The following AGMO variants were observed in gnomAD, a reference collection of about 807,000 sequenced individuals.
AGMO encodes the protein glyceryl-ether monooxygenase.
In AGMO, 75 loss-of-function variants were observed where a neutral mutation model predicts 60.2. The observed-to-expected ratio is 1.25, with a 90% CI of 1.03 to 1.51. The LOEUF is 1.51. Among genes scored for constraint, AGMO ranks in the 40% most tolerant of loss-of-function variants. The pLI is 0.00. For missense variants in AGMO, 763 were observed against 525.5 expected (o/e 1.45, Z -4.42); for synonymous variants, 261 against 177.1 (o/e 1.47, Z -3.76).
At chr7:15,468,130 C>A (rs969804039) in intron 3 of AGMO, among the ~76,000 whole-genome samples, 1 of 152,148 alleles carries the variant, frequency 6.6e-6, no homozygotes, top group Admixed American at 6.6e-5. Flanking sequence ...GGGATACCTC[C>A]TCAAGAAGAT....
At chr7:15,401,036 A>G (rs1784539830) in intron 5 of AGMO, among the ~76,000 whole-genome samples, 2 of 152,226 alleles carry the variant, frequency 1.3e-5, no homozygotes, top group Non-Finnish European at 1.5e-5. Context: ...TAATTTTCCT[A>G]TGGAAATTGA....
chr7:15,165,445 G>T, the AGMO span, among the ~76,000 whole-genome samples: 15 of 152,280 alleles, frequency 9.9e-5, no homozygotes, highest in African/African-American at 3.1e-4. Context: ...ACAACTCAGA[G>T]TTTGAGGGTA....
At chr7:15,376,633 A>C (rs979375774) in intron 10 of AGMO, among the ~76,000 whole-genome samples, 38 of 152,214 alleles carry the variant, frequency 2.5e-4, no homozygotes, top group African/African-American at 8.9e-4. Context: ...TTGAATATTC[A>C]AACTGTTTTT....
intron 3 of AGMO, among the ~76,000 whole-genome samples, chr7:15,443,152 T>TGG (rs1781606773): frequency 6.6e-6 from 1 of 152,202 alleles, no homozygotes; most frequent in Non-Finnish European, 1.5e-5. Flanking sequence ...CAGGAAACCC[T>TGG]GGGATACAGA....
At chr7:15,491,311 G>A (rs762910331) in intron 3 of AGMO, among the ~76,000 whole-genome samples, 3 of 152,130 alleles carry the variant, frequency 2.0e-5, no homozygotes, top group African/African-American at 4.8e-5. Context: ...ATTATACTGG[G>A]TGTTGTGACT....
the AGMO span, among the ~76,000 whole-genome samples, chr7:15,188,977 G>A: frequency 2.0e-5 from 3 of 152,160 alleles, no homozygotes; most frequent in Non-Finnish European, 2.9e-5. Flanking sequence ...CTTTTTGAAT[G>A]AAATTTGAGG....
intron 3 of AGMO, among the ~76,000 whole-genome samples, chr7:15,489,726 T>C (rs569132289): frequency 2.9e-4 from 44 of 152,308 alleles, no homozygotes; most frequent in Middle Eastern, 3.4e-3. Context: ...CCAGGCACAG[T>C]AGCACAGACT....
intron 2 of AGMO, among the ~76,000 whole-genome samples, chr7:15,551,952 G>C (rs1023209151): frequency 3.3e-5 from 5 of 151,208 alleles, no homozygotes; most frequent in Non-Finnish European, 7.4e-5. Context: ...AAACAGCATG[G>C]TACTGGTACC....
In AGMO at chr7:15,441,424, G is replaced by A. The variant is rs145622647; in HGVS notation, c.410-10316C>T. ...GGTTGTCAGCACTAACATTAACACC[G>A]TGAGTTTGGTTTTGGTGCAGTTAAG... is the stretch of plus-strand genomic sequence containing the variant. On this transcript the variant is annotated intron_variant, in intron 3 of 12. Coordinates refer to ENST00000342526, the MANE Select transcript of AGMO (RefSeq NM_001004320.2). Among the ~76,000 whole-genome samples the A allele has an allele frequency of 3.4e-4, 52 of 152,264 alleles. No homozygotes were observed. The East Asian group carries it at 6.9e-3, about 20-fold the overall frequency.
At chr7:15,461,060 G>A (rs1782129447) in intron 3 of AGMO, among the ~76,000 whole-genome samples, 1 of 151,922 alleles carries the variant, frequency 6.6e-6, no homozygotes, top group Admixed American at 6.6e-5. Context: ...TGCTCTAATA[G>A]GGCCCACTAT....
Position 15,446,617 on chromosome 7 carries a change from C to A in AGMO, c.410-15509G>T, listed in dbSNP as rs189203514. On this transcript the variant is annotated intron_variant, in intron 3 of 12. Transcript: ENST00000342526. ...AATGCTATGCCATACATAATTCAAA[C>A]CTCATAAATATCCACCTTATAAAGA... is the stretch of plus-strand genomic sequence containing the variant. 5.6e-4 allele frequency among the ~76,000 whole-genome samples: 85 copies of A among 152,264 alleles called. 1 individual carries two copies. The East Asian group carries it at 0.015, about 27-fold the overall frequency.
intron 3 of AGMO, among the ~76,000 whole-genome samples, chr7:15,500,043 T>C (rs1783337880): frequency 6.6e-6 from 1 of 151,692 alleles, no homozygotes; most frequent in Non-Finnish European, 1.5e-5. Context: ...GGTATGAGTA[T>C]ATATGTTGTA....
chr7:15,219,824 G>C (rs549922959), intron 12 of AGMO, among the ~76,000 whole-genome samples: 4 of 152,284 alleles, frequency 2.6e-5, no homozygotes, highest in African/African-American at 9.6e-5. Flanking sequence ...CACTGTGAAA[G>C]TGAATGAGTT....
intron 9 of AGMO, 36 bp from the exon 10 acceptor site, chr7:15,385,598 CAG>C (rs1188921285): frequency 1.7e-6 from 2 of 1,189,782 alleles, no homozygotes; most frequent in African/African-American, 3.1e-5. Context: ...TATATTGCTC[CAG>C]ACTCATTTTT....
At chr7:15,360,378 G>A (rs564238309) in intron 12 of AGMO, among the ~76,000 whole-genome samples, 63 of 152,298 alleles carry the variant, frequency 4.1e-4, no homozygotes, top group Non-Finnish European at 2.5e-4. Flanking sequence ...CCCGGAAAAT[G>A]TAGCTATTAA....
At chr7:15,173,155 T>A in the AGMO span, among the ~76,000 whole-genome samples, 1 of 152,196 alleles carries the variant, frequency 6.6e-6, no homozygotes, top group Non-Finnish European at 1.5e-5. Flanking sequence ...GTAAATCTAT[T>A]GAATATATTT....
intron 12 of AGMO, among the ~76,000 whole-genome samples, chr7:15,310,407 T>A (rs1343047180): frequency 6.6e-6 from 1 of 152,166 alleles, no homozygotes; most frequent in Admixed American, 6.5e-5. Flanking sequence ...CATATTTGGT[T>A]TCCATTTGGA....
intron 1 of AGMO, 36 bp downstream of exon 1, chr7:15,561,684 C>A: frequency 6.5e-7 from 1 of 1,532,382 alleles, no homozygotes; most frequent in East Asian, 2.3e-5. Flanking sequence ...AAGAAAGCAG[C>A]AAGAATAAGA....
chr7:15,393,078 G>C (rs1784217361), intron 6 of AGMO, among the ~76,000 whole-genome samples: 1 of 152,306 alleles, frequency 6.6e-6, no homozygotes, highest in South Asian at 2.1e-4. Context: ...TGTGAAAGTC[G>C]AAGAATTAAA....
Sources: gnomAD v4.1 joint callset for allele counts (sites outside exome capture counted in the v4.1 genomes callset) on GRCh38, gnomAD v4.1.1 for gene constraint, MANE v1.5 for transcripts, NCBI Gene and HGNC (gene_info 2026-07-23, HGNC 2026-07-21) for gene names.